The following SEC14L1 variants were observed in gnomAD, a reference collection of about 807,000 sequenced individuals.
SEC14L1 encodes the protein SEC14-like protein 1.
Under a neutral mutation model 85.3 loss-of-function variants are expected in SEC14L1, and 48 were observed. That is an observed-to-expected ratio of 0.56 (90% CI 0.45 to 0.72). The LOEUF (loss-of-function observed/expected upper bound fraction) is 0.72. Ranked by LOEUF, SEC14L1 falls within the 30% of genes least tolerant of loss-of-function variation. The pLI is 0.00. For synonymous variants in SEC14L1, 391 were observed against 355.5 expected, an observed-to-expected ratio of 1.10 and a Z score of -1.12; for missense variants, 682 against 921.4, an observed-to-expected ratio of 0.74 and a Z score of 3.36.
chr17:77,120,556 A>C (rs1206536824), intron 3 of SEC14L1, among the ~76,000 whole-genome samples: 1 of 151,756 alleles, frequency 6.6e-6, no homozygotes, highest in Non-Finnish European at 1.5e-5. Context: ...GGCTCACTGT[A>C]ACCTCTGCCT....
intron 3 of SEC14L1, among the ~76,000 whole-genome samples, chr17:77,158,180 G>T (rs957921564): frequency 1.3e-5 from 2 of 152,194 alleles, no homozygotes; most frequent in Non-Finnish European, 2.9e-5. Context: ...GAGCCATCGT[G>T]CCCGGCCTGT....
At chr17:77,113,440 G>A (rs1477048350) in intron 3 of SEC14L1, among the ~76,000 whole-genome samples, 1 of 152,000 alleles carries the variant, frequency 6.6e-6, no homozygotes, top group African/African-American at 2.4e-5. Flanking sequence ...TGCATCAGCA[G>A]GCTTGATAAA....
intron 3 of SEC14L1, among the ~76,000 whole-genome samples, chr17:77,175,646 G>C (rs1205180536): frequency 6.6e-6 from 1 of 152,104 alleles, no homozygotes; most frequent in Non-Finnish European, 1.5e-5. Flanking sequence ...TAGTTACAGA[G>C]AACAGGAATC....
chr17:77,188,051 A>T (rs1286334541), intron 3 of SEC14L1, among the ~76,000 whole-genome samples: 2 of 152,194 alleles, frequency 1.3e-5, no homozygotes, highest in African/African-American at 4.8e-5. Flanking sequence ...TTAGTTTGGT[A>T]ATCTTTGTGG....
intron 7 of SEC14L1, 56 bp from the exon 8 acceptor site, chr17:77,196,146 T>C: frequency 1.5e-6 from 2 of 1,360,190 alleles, no homozygotes; most frequent in Non-Finnish European, 2.1e-6. Context: ...ACAAAGACTT[T>C]GGGAGCCTAA....
intron 3 of SEC14L1, among the ~76,000 whole-genome samples, chr17:77,185,867 A>T (rs919227261): frequency 2.6e-5 from 4 of 152,192 alleles, no homozygotes; most frequent in Non-Finnish European, 4.4e-5. Flanking sequence ...TGAGCAGGTG[A>T]TTAAACTGCT....
intron 3 of SEC14L1, among the ~76,000 whole-genome samples, chr17:77,187,757 G>GTTTT (rs1975334134): frequency 7.3e-6 from 1 of 137,176 alleles, no homozygotes. Flanking sequence ...TTTTTTTTTG[G>GTTTT]AGACAGGGTC....
At chr17:77,120,692 G>C (rs973179039) in intron 3 of SEC14L1, among the ~76,000 whole-genome samples, 1 of 152,132 alleles carries the variant, frequency 6.6e-6, no homozygotes, top group Non-Finnish European at 1.5e-5. Context: ...GTCCAGGCTG[G>C]TCTCAAGCTC....
At chr17:77,096,418 G>A (rs890959711) in intron 3 of SEC14L1, among the ~76,000 whole-genome samples, 1 of 151,758 alleles carries the variant, frequency 6.6e-6, no homozygotes, top group Non-Finnish European at 1.5e-5. Context: ...TTAGCCAGGC[G>A]TTATGTTGCG....
intron 9 of SEC14L1, among the ~76,000 whole-genome samples, chr17:77,203,055 T>A (rs900846594): frequency 6.6e-6 from 1 of 152,192 alleles, no homozygotes; most frequent in African/African-American, 2.4e-5. Flanking sequence ...AGCTGGCTTT[T>A]AAAAAGCTTT....
rs980690691 is a variant in SEC14L1, at chr17:77,155,534, G to A, written c.63+11875G>A. On this transcript the variant is annotated intron_variant, in intron 3 of 16. Coordinates refer to ENST00000436233, the MANE Select transcript of SEC14L1 (RefSeq NM_001143998.2). ...AGCTGGCAGAGATGTCTCCTGGATGGGCGCTCACTTTGCTCTTCTGTAGCC... is the reference window on the plus strand; with the variant it reads ...AGCTGGCAGAGATGTCTCCTGGATGAGCGCTCACTTTGCTCTTCTGTAGCC... 3.6e-4 allele frequency among the ~76,000 whole-genome samples: 55 copies of A among 152,216 alleles called. 1 individual carries two copies. Among genetic ancestry groups the A allele is most frequent in the African/African-American group, 1.3e-3 (53 of 41,530 alleles).
chr17:77,107,715 C>G (rs1971946502), intron 3 of SEC14L1, among the ~76,000 whole-genome samples: 1 of 152,164 alleles, frequency 6.6e-6, no homozygotes, highest in African/African-American at 2.4e-5. Context: ...CCTTGACTTT[C>G]TTGCAACAAC....
intron 3 of SEC14L1, among the ~76,000 whole-genome samples, chr17:77,178,776 T>G (rs1703360230): frequency 6.6e-6 from 1 of 152,170 alleles, no homozygotes; most frequent in Non-Finnish European, 1.5e-5. Flanking sequence ...GAGGTGGAGC[T>G]CAGGCAGTAA....
rs563027613 is a variant in SEC14L1 at position 77,096,552 on chromosome 17, C to G, written c.-136+3205C>G. ...AGCCTGGGTGACAGTGAGACTCCAT[C>G]TCAAAAAAAAAAAGTCACCGTGGGA... On this transcript the variant is annotated intron_variant, in intron 3 of 19. Coordinates refer to the SEC14L1 transcript ENST00000392476. Among the ~76,000 whole-genome samples, 220 of 128,350 alleles carry G rather than the reference C, an allele frequency of 1.7e-3. 1 individual carries two copies. The highest frequency in any genetic ancestry group is 7.2e-3 in the African/African-American group (199 of 27,532). The allele number at this position is 128,350 out of a possible 152,430, so 84.2% of individuals were successfully genotyped here.
chr17:77,108,891 C>T (rs1188612256), intron 3 of SEC14L1, among the ~76,000 whole-genome samples: 2 of 150,466 alleles, frequency 1.3e-5, no homozygotes, highest in African/African-American at 4.9e-5. Flanking sequence ...GGCTTGATCT[C>T]AGCTCACTGC....
intron 3 of SEC14L1, among the ~76,000 whole-genome samples, chr17:77,118,043 C>A (rs771201944): frequency 6.6e-6 from 1 of 152,214 alleles, no homozygotes; most frequent in Non-Finnish European, 1.5e-5. Context: ...AACTGGACAG[C>A]GGGAATCATT....
chr17:77,136,221 TTTC>T (rs1370007406), upstream of SEC14L1, among the ~76,000 whole-genome samples: 4 of 151,772 alleles, frequency 2.6e-5, no homozygotes, highest in African/African-American at 7.3e-5. Context: ...TTTTCTTTTC[TTTC>T]TTTTCTCTTT....
At chr17:77,198,655 A>C (rs1349608716) in intron 8 of SEC14L1, among the ~76,000 whole-genome samples, 3 of 150,634 alleles carry the variant, frequency 2.0e-5, no homozygotes, top group Non-Finnish European at 4.4e-5. Flanking sequence ...GCTCACTGCA[A>C]GATCCGCCTC....
intron 3 of SEC14L1, among the ~76,000 whole-genome samples, chr17:77,097,437 G>T (rs551993557): frequency 6.6e-6 from 1 of 152,156 alleles, no homozygotes; most frequent in African/African-American, 2.4e-5. Flanking sequence ...AGTGGCGCAC[G>T]CCTGTAATCC....
Sources: allele counts gnomAD v4.1 joint callset (sites outside exome capture counted in the v4.1 genomes callset), GRCh38; gene constraint gnomAD v4.1.1; transcripts MANE v1.5; gene names NCBI Gene and HGNC (gene_info 2026-07-23, HGNC 2026-07-21).